The following TWIST2 variants were observed in gnomAD, a reference collection of about 807,000 sequenced individuals.
The protein encoded by TWIST2 is twist-related protein 2.
A neutral mutation model predicts 11.6 loss-of-function variants in TWIST2; 1 was observed. The observed-to-expected ratio is 0.09, with a 90% CI of 0.03 to 0.41. The LOEUF is 0.41. TWIST2 is among the 10% of genes least tolerant of loss of function. The pLI, the probability that TWIST2 is intolerant of heterozygous loss-of-function variation, is 0.98. For missense variants in TWIST2, 168 were observed against 226.4 expected (o/e 0.74, Z 1.66); for synonymous variants, 87 against 96.6 (o/e 0.90, Z 0.58).
intron 1 of TWIST2, among the ~76,000 whole-genome samples, chr2:238,871,409 AC>A (rs1692696592): frequency 1.7e-5 from 1 of 58,378 alleles, no homozygotes; most frequent in African/African-American, 7.1e-5. Flanking sequence ...CACACACCCC[AC>A]ACACACCACA....
At chr2:238,902,047 C>T (rs1310100255) in intron 1 of TWIST2, among the ~76,000 whole-genome samples, 4 of 152,256 alleles carry the variant, frequency 2.6e-5, no homozygotes, top group African/African-American at 9.6e-5. Flanking sequence ...TAATGAATGT[C>T]CTGGACATCC....
chr2:238,902,340 GTGT>G (rs1693277469), intron 1 of TWIST2, among the ~76,000 whole-genome samples: 1 of 150,076 alleles, frequency 6.7e-6, no homozygotes, highest in Non-Finnish European at 1.5e-5. Flanking sequence ...GGGGTGTGTG[GTGT>G]TGGGTTTGTG....
intron 1 of TWIST2, among the ~76,000 whole-genome samples, chr2:238,884,646 G>A (rs74728786): frequency 0.061 from 9,338 of 152,282 alleles, 508 homozygotes; most frequent in East Asian, 0.29. Flanking sequence ...GCAGAGGCGA[G>A]GCCCATGGAA....
chr2:238,891,381 G>A (rs1693129735), intron 1 of TWIST2, among the ~76,000 whole-genome samples: 1 of 152,226 alleles, frequency 6.6e-6, no homozygotes, highest in South Asian at 2.1e-4. Flanking sequence ...ATGACTGGCC[G>A]AGCACCTGTG....
chr2:238,905,906 T>C (rs1320914285), intron 1 of TWIST2, among the ~76,000 whole-genome samples: 14 of 40,904 alleles, frequency 3.4e-4, no homozygotes, highest in East Asian at 2.1e-3. Flanking sequence ...CGTGTGTGCG[T>C]GTGTGTGCGT....
At chr2:238,870,911 A>C (rs1461321462) in intron 1 of TWIST2, among the ~76,000 whole-genome samples, 1 of 42,292 alleles carries the variant, frequency 2.4e-5, no homozygotes. Context: ...CCTCCCACAC[A>C]CCACACACAC....
chr2:238,872,833 C>T (rs1692731429), intron 1 of TWIST2, among the ~76,000 whole-genome samples: 1 of 152,214 alleles, frequency 6.6e-6, no homozygotes, highest in Non-Finnish European at 1.5e-5. Context: ...ACACGCTCCG[C>T]AGATGGTTTT....
intron 1 of TWIST2, among the ~76,000 whole-genome samples, chr2:238,881,968 C>G (rs1458023248): frequency 6.6e-6 from 1 of 152,050 alleles, no homozygotes; most frequent in Non-Finnish European, 1.5e-5. Context: ...CTGTCTCTCT[C>G]TCCATCTGTC....
chr2:238,905,906 T>TGCAG (rs1312572776), intron 1 of TWIST2, among the ~76,000 whole-genome samples: 70 of 40,904 alleles, frequency 1.7e-3, no homozygotes, highest in African/African-American at 8.9e-3. Flanking sequence ...CGTGTGTGCG[T>TGCAG]GTGTGTGCGT....
chr2:238,858,662 C>T (rs554393797), intron 1 of TWIST2, among the ~76,000 whole-genome samples: 5 of 152,240 alleles, frequency 3.3e-5, no homozygotes, highest in Middle Eastern at 3.4e-3. Flanking sequence ...TCAGTTTCCC[C>T]GTCTGTAAAA....
At chr2:238,848,765 G>A in intron 1 of TWIST2, 32 bp downstream of exon 1, 2 of 1,323,172 alleles carry the variant, frequency 1.5e-6, no homozygotes, top group African/African-American at 1.5e-5. Flanking sequence ...GGCGCCCTCC[G>A]CTGCGGGGGG....
chr2:238,870,628 A>C (rs1574754808), intron 1 of TWIST2, among the ~76,000 whole-genome samples: 1 of 42,078 alleles, frequency 2.4e-5, no homozygotes, highest in Admixed American at 2.1e-4. Flanking sequence ...CACACAAACC[A>C]CACCCCCCCA....
At chr2:238,859,996 G>A (rs535964040) in intron 1 of TWIST2, among the ~76,000 whole-genome samples, 2 of 152,176 alleles carry the variant, frequency 1.3e-5, no homozygotes, top group African/African-American at 4.8e-5. Context: ...TGAGAGCCAG[G>A]AGCATTTGCC....
rs1024328173 is a variant in TWIST2, at chr2:238,896,363, G to A, written c.*36-13479G>A. On this transcript the variant is annotated intron_variant, in intron 1 of 1. Coordinates refer to ENST00000612363, the MANE Select transcript of TWIST2 (RefSeq NM_001271893.4). ...ACTGTCCCCAGGGCCACCAGGCTGC[G>A]CTGGAATCACAGGCTCCCTGCAGGA... Among the ~76,000 whole-genome samples, 743 of 152,330 alleles carry A rather than the reference G, an allele frequency of 4.9e-3. 7 individuals are homozygous for A. The highest frequency in any genetic ancestry group is 0.016 in the African/African-American group (684 of 41,578).
At chr2:238,902,744 G>GC (rs1693288022) in intron 1 of TWIST2, among the ~76,000 whole-genome samples, 2 of 103,776 alleles carry the variant, frequency 1.9e-5, no homozygotes, top group Non-Finnish European at 4.0e-5. Flanking sequence ...TGTGTGTGAT[G>GC]GGTGTGATGG....
At position 238,864,638 on chromosome 2, in the gene TWIST2, G is replaced by A. The variant is rs1275831245; in HGVS notation, c.*35+15905G>A. On this transcript the variant is annotated intron_variant, in intron 1 of 1. Coordinates refer to ENST00000612363, the MANE Select transcript of TWIST2 (RefSeq NM_001271893.4). The surrounding 1 kb of genome is among the most constrained non-coding windows in gnomAD (Gnocchi z 4.7). Reference sequence around the variant, plus strand: ...CAGCAGGACAGGGGCCCAGAGGCTGGTACCCTCCGAGGTGCGGGAGAAGAG... The same window carrying A: ...CAGCAGGACAGGGGCCCAGAGGCTGATACCCTCCGAGGTGCGGGAGAAGAG... 6.6e-6 allele frequency among the ~76,000 whole-genome samples: 1 copy of A among 152,182 alleles called. No individual in the cohort carries two copies. The highest frequency in any genetic ancestry group is 1.5e-5 in the Non-Finnish European group (1 of 68,018).
intron 1 of TWIST2, among the ~76,000 whole-genome samples, chr2:238,875,626 A>G (rs1308419852): frequency 6.6e-6 from 1 of 152,176 alleles, no homozygotes; most frequent in East Asian, 1.9e-4. Flanking sequence ...GTTTACAAAC[A>G]GATGGGAGCC....
At chr2:238,904,347 AGT>A (rs1400655685) in intron 1 of TWIST2, among the ~76,000 whole-genome samples, 8 of 85,424 alleles carry the variant, frequency 9.4e-5, no homozygotes, top group African/African-American at 1.4e-4. Flanking sequence ...TGTGTGATGT[AGT>A]GTGTGTGATG....
At chr2:238,862,804 G>T (rs1692457287) in intron 1 of TWIST2, among the ~76,000 whole-genome samples, 1 of 152,208 alleles carries the variant, frequency 6.6e-6, no homozygotes, top group Admixed American at 6.5e-5. Context: ...AAATAGGTGG[G>T]ATAAACTCTG....
Sources: gnomAD v4.1 joint callset for allele counts (sites outside exome capture counted in the v4.1 genomes callset) on GRCh38, gnomAD v4.1.1 for gene constraint, Gnocchi (gnomAD v3.1) non-coding constraint, MANE v1.5 for transcripts, NCBI Gene and HGNC (gene_info 2026-07-23, HGNC 2026-07-21) for gene names.